Variants in PDE4D observed in about 807,000 individuals in gnomAD.
PDE4D encodes 3',5'-cyclic-AMP phosphodiesterase 4D.
In PDE4D, 24 loss-of-function variants were observed where a neutral mutation model predicts 87.4. That is an observed-to-expected ratio of 0.27 (90% CI 0.20 to 0.39). PDE4D has a LOEUF of 0.39. Among genes scored for constraint, PDE4D ranks in the 10% least tolerant of loss-of-function variants. PDE4D has a pLI of 1.00. For missense variants in PDE4D, 714 were observed against 1,041.0 expected (o/e 0.69, Z 4.32); for synonymous variants, 384 against 383.2 (o/e 1.00, Z -0.02).
intron 1 of PDE4D, among the ~76,000 whole-genome samples, chr5:60,388,255 C>T (rs962393814): frequency 6.6e-6 from 1 of 152,090 alleles, no homozygotes; most frequent in African/African-American, 2.4e-5. Context: ...ACAAAAAGTG[C>T]ATGATCTAAA....
chr5:60,066,132 T>C (rs979940680), intron 2 of PDE4D, among the ~76,000 whole-genome samples: 1 of 152,180 alleles, frequency 6.6e-6, no homozygotes, highest in Admixed American at 6.6e-5. Flanking sequence ...CCATTCTAAC[T>C]GGTGTGAGAT....
At chr5:59,456,692 G>A (rs1465720168) in intron 1 of PDE4D, among the ~76,000 whole-genome samples, 3 of 152,038 alleles carry the variant, frequency 2.0e-5, no homozygotes, top group Non-Finnish European at 2.9e-5. Context: ...ATCTGGATAG[G>A]AGTCACCATT....
At chr5:59,399,391 T>C (rs1790142599) in intron 1 of PDE4D, among the ~76,000 whole-genome samples, 1 of 137,830 alleles carries the variant, frequency 7.3e-6, no homozygotes, top group African/African-American at 2.6e-5. Context: ...GAGATATAGA[T>C]CAATGGAACA....
At chr5:59,880,369 T>C (rs1435826945) in intron 1 of PDE4D, among the ~76,000 whole-genome samples, 1 of 152,128 alleles carries the variant, frequency 6.6e-6, no homozygotes, top group African/African-American at 2.4e-5. Context: ...CTCGGCCTCC[T>C]AAAGTACGGC....
At chr5:59,400,293 T>C (rs1264220798) in intron 1 of PDE4D, among the ~76,000 whole-genome samples, 1 of 103,150 alleles carries the variant, frequency 9.7e-6, no homozygotes, top group Non-Finnish European at 1.9e-5. Flanking sequence ...TGTATGTTTA[T>C]TGCGGCATTA....
intron 1 of PDE4D, among the ~76,000 whole-genome samples, chr5:60,259,937 C>T (rs188181515): frequency 7.3e-5 from 11 of 151,388 alleles, no homozygotes; most frequent in Admixed American, 4.6e-4. Context: ...CAAGGGTTAG[C>T]GGCACTAAAG....
At chr5:59,942,981 C>T (rs754183757) in intron 3 of PDE4D, among the ~76,000 whole-genome samples, 32 of 152,004 alleles carry the variant, frequency 2.1e-4, no homozygotes, top group African/African-American at 4.3e-4. Flanking sequence ...TATCCCAAAA[C>T]GCACAGAACA....
At chr5:59,606,579 C>T (rs575179091) in intron 1 of PDE4D, among the ~76,000 whole-genome samples, 6 of 152,028 alleles carry the variant, frequency 3.9e-5, no homozygotes, top group African/African-American at 1.4e-4. Flanking sequence ...CTACCTTTGC[C>T]CACCATACTG....
intron 2 of PDE4D, among the ~76,000 whole-genome samples, chr5:59,198,540 T>C (rs567619538): frequency 6.6e-6 from 1 of 152,284 alleles, no homozygotes; most frequent in African/African-American, 2.4e-5. Context: ...CCTTCCCTGG[T>C]TACCAGGAAG....
chr5:60,014,488 C>G (rs1004796544), intron 2 of PDE4D, among the ~76,000 whole-genome samples: 1 of 152,086 alleles, frequency 6.6e-6, no homozygotes, highest in African/African-American at 2.4e-5. Flanking sequence ...TACAATGTGG[C>G]CTCAGGGTAA....
intron 1 of PDE4D, among the ~76,000 whole-genome samples, chr5:59,565,007 G>A (rs551369969): frequency 6.6e-6 from 1 of 152,326 alleles, no homozygotes; most frequent in South Asian, 2.1e-4. Context: ...GACAAAGGTT[G>A]ATGAATGAAG....
chr5:60,252,583 T>C (rs2149686030), intron 1 of PDE4D, among the ~76,000 whole-genome samples: 1 of 151,878 alleles, frequency 6.6e-6, no homozygotes, highest in Middle Eastern at 3.4e-3. Context: ...GTAGTGGCAA[T>C]GGCAGGGGTA....
intron 1 of PDE4D, among the ~76,000 whole-genome samples, chr5:59,277,653 A>G (rs1273864687): frequency 1.3e-5 from 2 of 152,154 alleles, no homozygotes; most frequent in African/African-American, 2.4e-5. Flanking sequence ...CAGAAAGCAA[A>G]TGACAATGAT....
chr5:60,187,017 G>C (rs1784834994), intron 1 of PDE4D, among the ~76,000 whole-genome samples: 1 of 152,116 alleles, frequency 6.6e-6, no homozygotes, highest in Non-Finnish European at 1.5e-5. Context: ...AGTAGAGGTA[G>C]AAACAGAGAA....
At chr5:59,742,137 C>T (rs1188447009) in intron 1 of PDE4D, among the ~76,000 whole-genome samples, 2 of 152,096 alleles carry the variant, frequency 1.3e-5, no homozygotes, top group African/African-American at 4.8e-5. Context: ...AGTCTCGGCT[C>T]ACTGCAACCT....
intron 1 of PDE4D, among the ~76,000 whole-genome samples, chr5:59,508,878 A>T (rs1246530169): frequency 6.6e-6 from 1 of 152,086 alleles, no homozygotes; most frequent in Non-Finnish European, 1.5e-5. Flanking sequence ...TGAATGAAAC[A>T]TTCAGAATGC....
intron 1 of PDE4D, among the ~76,000 whole-genome samples, chr5:59,784,239 C>CTT (rs34497367): frequency 9.9e-4 from 139 of 140,068 alleles, no homozygotes; most frequent in Middle Eastern, 7.2e-3. Context: ...AAGTAACTTC[C>CTT]TTTTTTTTTT....
intron 1 of PDE4D, among the ~76,000 whole-genome samples, chr5:60,493,475 A>G (rs907634573): frequency 6.6e-6 from 1 of 152,206 alleles, no homozygotes; most frequent in Admixed American, 6.5e-5. Flanking sequence ...GCAAGAGAAT[A>G]TCAACTGAGA....
At chr5:59,696,016 A>G (rs1353174000) in intron 1 of PDE4D, among the ~76,000 whole-genome samples, 2 of 152,172 alleles carry the variant, frequency 1.3e-5, no homozygotes, top group African/African-American at 2.4e-5. Context: ...TAATACCTTT[A>G]GTTATTGTCT....
Sources: gnomAD v4.1 joint callset for allele counts (sites outside exome capture counted in the v4.1 genomes callset) on GRCh38, gnomAD v4.1.1 for gene constraint, MANE v1.5 for transcripts, NCBI Gene and HGNC (gene_info 2026-07-23, HGNC 2026-07-21) for gene names.